The following NSMAF variants were observed in gnomAD, a reference collection of about 807,000 sequenced individuals.
The protein encoded by NSMAF is protein FAN.
Under a neutral mutation model 134.9 loss-of-function variants are expected in NSMAF, and 90 were observed. The ratio of observed to expected loss-of-function variants is 0.67; its 90% CI spans 0.56 to 0.79. The LOEUF (loss-of-function observed/expected upper bound fraction) is 0.79. Ranked by LOEUF, NSMAF falls within the 30% of genes least tolerant of loss-of-function variation. The pLI, the probability that NSMAF is intolerant of heterozygous loss-of-function variation, is 0.00. For missense variants in NSMAF, 1,010 were observed against 1,119.0 expected (o/e 0.90, Z 1.39); for synonymous variants, 358 against 389.6 (o/e 0.92, Z 0.96).
rs1208933094 is a variant in NSMAF, at chr8:58,623,237, T to C, written c.540A>G (p.Thr180=). 2 of 1,609,850 alleles carry C rather than the reference T, an allele frequency of 1.2e-6. No individual in the cohort carries two copies. Among genetic ancestry groups the C allele is most frequent in the Non-Finnish European group, 1.7e-6 (2 of 1,177,620 alleles). The change falls in exon 9 of 31, where the codon ACA becomes ACG. Residue 180 remains threonine, a synonymous_variant. Transcript: ENST00000038176. ...TAILQSRLAR[T]SFDKNRFQNI... ...AAACTTACCTGTTTTTGTCAAATGA[T>C]GTTCTAGCTAAACGAGACTGCAAAA...
chr8:58,585,922 G>C lies in NSMAF; in HGVS notation c.2525C>G (p.Ser842Cys), dbSNP rs1268713280. 1.2e-6 allele frequency: 2 copies of C among 1,613,738 alleles called. No homozygotes were observed. Among genetic ancestry groups the C allele is most frequent in the Non-Finnish European group, 1.7e-6 (2 of 1,179,804 alleles). The change falls in exon 29 of 31, where the codon TCC becomes TGC. Residue 842 changes from serine (S) to cysteine (C), a missense_variant. Ser to Cys is a moderately radical substitution (Grantham distance 112, BLOSUM62 -1). Transcript: ENST00000038176. ...CCTCTGGGGCTCATCTGATGTCATG[G>C]AGGAGATGAGCATTCCTGTCTGCAC... The part of the protein sequence containing the change: ...IDVQTGMLIS[S>C]MTSDEPQRCF...
chr8:58,607,330 G>T, intron 11 of NSMAF, among the ~76,000 whole-genome samples: 1 of 152,210 alleles, frequency 6.6e-6, no homozygotes, highest in Non-Finnish European at 1.5e-5. Flanking sequence ...CAGCCCAAAG[G>T]TTGAATTAAT....
chr8:58,646,277 G>A (rs1807450399), intron 1 of NSMAF, among the ~76,000 whole-genome samples: 1 of 152,124 alleles, frequency 6.6e-6, no homozygotes, highest in Non-Finnish European at 1.5e-5. Context: ...GACAGAATTG[G>A]AGTTACACAT....
chr8:58,594,342 C>G, intron 22 of NSMAF, 52 bp from the exon 23 acceptor site: 1 of 1,478,626 alleles, frequency 6.8e-7, no homozygotes, highest in Non-Finnish European at 9.4e-7. Flanking sequence ...GTTAGGATAC[C>G]CTCTTTGTTT....
intron 1 of NSMAF, among the ~76,000 whole-genome samples, chr8:58,646,132 C>A (rs778037705): frequency 6.6e-6 from 1 of 152,168 alleles, no homozygotes; most frequent in Non-Finnish European, 1.5e-5. Flanking sequence ...ATTTTACCAT[C>A]CTAATCTGTA....
At chr8:58,639,184 T>C (rs919456866) in intron 2 of NSMAF, among the ~76,000 whole-genome samples, 3 of 151,830 alleles carry the variant, frequency 2.0e-5, no homozygotes, top group Non-Finnish European at 2.9e-5. Flanking sequence ...CTTGGGAGAC[T>C]AAGGCAGGAG....
In NSMAF at chr8:58,601,284, CCTGT is replaced by C; in HGVS notation, c.1277_1280del (p.Asn426IlefsTer19). Reference sequence around the variant, plus strand: ...TGATAAGCAAGGCATTTGTATCAAACCTGTTGAACATTCTATCTGCATTATCAAA... The same window carrying C: ...TGATAAGCAAGGCATTTGTATCAAACTGAACATTCTATCTGCATTATCAAA... On this transcript the variant is annotated frameshift_variant and splice_region_variant, in exon 16 of 31. Transcript: ENST00000038176. LOFTEE classifies it high-confidence loss of function. 6.2e-7 allele frequency: 1 copy of C among 1,611,956 alleles called. No individual in the cohort carries two copies. The highest frequency in any genetic ancestry group is 1.1e-5 in the South Asian group (1 of 91,032).
At chr8:58,651,418 A>G (rs924057830) in intron 1 of NSMAF, among the ~76,000 whole-genome samples, 6 of 152,130 alleles carry the variant, frequency 3.9e-5, no homozygotes, top group African/African-American at 1.4e-4. Context: ...AAAGCTTTCT[A>G]TCACTCAGCT....
At chr8:58,596,937 A>G (rs995276958) in intron 21 of NSMAF, among the ~76,000 whole-genome samples, 2 of 152,016 alleles carry the variant, frequency 1.3e-5, no homozygotes, top group African/African-American at 2.4e-5. Flanking sequence ...TCTCAAAAAA[A>G]AAAAAAAAAA....
At chr8:58,630,482 G>T (rs779869168) in intron 6 of NSMAF, among the ~76,000 whole-genome samples, 1 of 152,140 alleles carries the variant, frequency 6.6e-6, no homozygotes, top group Non-Finnish European at 1.5e-5. Flanking sequence ...GCCTTTAGAG[G>T]AAGGGCACCC....
chr8:58,650,554 T>C (rs1450559371), intron 1 of NSMAF, among the ~76,000 whole-genome samples: 1 of 152,216 alleles, frequency 6.6e-6, no homozygotes, highest in African/African-American at 2.4e-5. Context: ...TTTGACAGTT[T>C]CACAAACTTC....
At chr8:58,628,937 T>C (rs1350798845) in intron 6 of NSMAF, among the ~76,000 whole-genome samples, 1 of 152,218 alleles carries the variant, frequency 6.6e-6, no homozygotes, top group Admixed American at 6.5e-5. Flanking sequence ...GGCTTTCTTC[T>C]GTGACCAGAC....
intron 23 of NSMAF, among the ~76,000 whole-genome samples, 186 bp downstream of exon 23, chr8:58,594,046 T>C (rs1806077754): frequency 6.6e-6 from 1 of 152,240 alleles, no homozygotes; most frequent in Non-Finnish European, 1.5e-5. Flanking sequence ...AACAGAAAGA[T>C]GTTTCATTAT....
chr8:58,637,973 C>A (rs1807241335), intron 2 of NSMAF, among the ~76,000 whole-genome samples: 1 of 151,812 alleles, frequency 6.6e-6, no homozygotes, highest in African/African-American at 2.4e-5. Context: ...ATCCCAATGG[C>A]ATTTTTAACA....
chr8:58,631,105 A>G (rs1462685222), intron 6 of NSMAF, among the ~76,000 whole-genome samples: 2 of 152,222 alleles, frequency 1.3e-5, no homozygotes. Flanking sequence ...ACAAATTATT[A>G]TTGAGTTCTC....
chr8:58,591,224 C>T (rs1806014501), intron 23 of NSMAF, among the ~76,000 whole-genome samples: 1 of 152,026 alleles, frequency 6.6e-6, no homozygotes, highest in Admixed American at 6.5e-5. Context: ...AATGTGGTAG[C>T]TGGTATATGC....
chr8:58,650,443 TTTTC>T (rs1162046509), intron 1 of NSMAF, among the ~76,000 whole-genome samples: 2 of 144,422 alleles, frequency 1.4e-5, no homozygotes, highest in East Asian at 1.9e-4. Context: ...GCTAGCCTGA[TTTTC>T]TTTTTCTTTT....
chr8:58,592,040 C>T (rs767987670), intron 23 of NSMAF, among the ~76,000 whole-genome samples: 34 of 152,124 alleles, frequency 2.2e-4, no homozygotes, highest in Admixed American at 5.9e-4. Context: ...AATTTGAAAA[C>T]GAAAACAGAA....
intron 11 of NSMAF, 136 bp from the exon 12 acceptor site, chr8:58,606,171 CT>C (rs1806407878): frequency 1.4e-6 from 1 of 734,660 alleles, no homozygotes; most frequent in Non-Finnish European, 2.1e-6. Flanking sequence ...TATTTTCAAT[CT>C]ATAAATTTAA....
Sources: allele counts gnomAD v4.1 joint callset (sites outside exome capture counted in the v4.1 genomes callset), GRCh38; gene constraint gnomAD v4.1.1; transcripts MANE v1.5; gene names NCBI Gene and HGNC (gene_info 2026-07-23, HGNC 2026-07-21).